INTU: variants seen among roughly 807,000 people sequenced by gnomAD.
INTU encodes inturned planar cell polarity protein.
In INTU, 68 loss-of-function variants were observed where a neutral mutation model predicts 100.5. That is an observed-to-expected ratio of 0.68 (90% CI 0.56 to 0.83). The LOEUF (loss-of-function observed/expected upper bound fraction) is 0.83, where lower values mean the gene tolerates loss of function less well. INTU is among the 40% of genes least tolerant of loss of function. INTU has a pLI of 0.00. For missense variants in INTU, 1,071 were observed against 1,114.7 expected, an observed-to-expected ratio of 0.96 and a Z score of 0.56; for synonymous variants, 357 against 395.7, an observed-to-expected ratio of 0.90 and a Z score of 1.16.
At position 127,718,073 on chromosome 4, in the gene INTU, T is replaced by C. The variant is rs1731294558; in HGVS notation, c.*1637T>C. ...TGAAATCTTTGCCCATGCTCATGTC[T>C]TAAATGGTATTGCCTAGATTTTCTT... On this transcript the variant is annotated 3_prime_UTR_variant, in exon 16 of 16. Transcript: ENST00000335251. The C allele has an allele frequency of 6.6e-6, 1 of 152,172 alleles. No homozygotes were observed. Among genetic ancestry groups the C allele is most frequent in the African/African-American group, 2.4e-5 (1 of 41,460 alleles). 9.4% of individuals were successfully genotyped at this position (152,172 alleles called of 1,614,324 possible). A position where few individuals can be genotyped will look rare whatever the true frequency, so the allele number is the denominator to read the frequency against.
intron 13 of INTU, among the ~76,000 whole-genome samples, chr4:127,710,096 T>C (rs978279405): frequency 2.0e-5 from 3 of 152,136 alleles, no homozygotes; most frequent in African/African-American, 7.2e-5. Context: ...AAAATATGTA[T>C]GTTGTGTTGG....
In INTU at chr4:127,633,071, T is replaced by G. The variant is rs143620669; in HGVS notation, c.37T>G (p.Ser13Ala). The stretch of plus-strand genomic sequence containing the variant: ...GGCTTCGTGCGATTCGCGTCCGAGC[T>G]CAGACGAGCTCCCTGGAGACCCCTC... ...SVASCDSRPS[S>A]DELPGDPSSQ... Residue 13 changes from serine (S) to alanine (A), a missense_variant, in exon 1 of 16, where the codon TCA becomes GCA. Coordinates refer to ENST00000335251, the MANE Select transcript of INTU (RefSeq NM_015693.4). The G allele has an allele frequency of 2.4e-5, 38 of 1,613,762 alleles. No homozygotes were observed. Among genetic ancestry groups the G allele is most frequent in the Non-Finnish European group, 2.3e-5 (27 of 1,179,800 alleles).
At chr4:127,667,454 G>T (rs1250600357) in intron 4 of INTU, among the ~76,000 whole-genome samples, 2 of 152,006 alleles carry the variant, frequency 1.3e-5, no homozygotes, top group African/African-American at 2.4e-5. Flanking sequence ...AACTGGTATG[G>T]CTTAATTTAT....
chr4:127,668,935 G>A, intron 4 of INTU, 101 bp from the exon 5 acceptor site: 1 of 560,392 alleles, frequency 1.8e-6, no homozygotes, highest in Non-Finnish European at 3.3e-6. Context: ...AAGCTGAAAG[G>A]ATTCATTTTT....
At chr4:127,674,850 G>C (rs1729102421) in intron 6 of INTU, among the ~76,000 whole-genome samples, 1 of 152,118 alleles carries the variant, frequency 6.6e-6, no homozygotes, top group Non-Finnish European at 1.5e-5. Flanking sequence ...GACGTACTTA[G>C]TGATTATTGG....
At chr4:127,713,457 G>T (rs972576541) in intron 14 of INTU, among the ~76,000 whole-genome samples, 13 of 152,004 alleles carry the variant, frequency 8.6e-5, no homozygotes, top group African/African-American at 3.1e-4. Context: ...AGAGATTATG[G>T]GTCAAAGGAA....
At chr4:127,634,776 T>C (rs1227025391) in intron 1 of INTU, among the ~76,000 whole-genome samples, 2 of 152,224 alleles carry the variant, frequency 1.3e-5, no homozygotes, top group Non-Finnish European at 2.9e-5. Flanking sequence ...AAATTTTAAG[T>C]CTGTCCCTTC....
At chr4:127,689,835 TTTAA>T (rs879895795) in intron 8 of INTU, among the ~76,000 whole-genome samples, 4 of 152,148 alleles carry the variant, frequency 2.6e-5, no homozygotes, top group Non-Finnish European at 5.9e-5. Context: ...TAACTTTACC[TTTAA>T]AAGAGAAAGA....
chr4:127,714,844 C>T (rs1159021), intron 15 of INTU, among the ~76,000 whole-genome samples: 94,571 of 151,866 alleles, frequency 0.62, 30,180 homozygotes, highest in African/African-American at 0.76. Context: ...ACTTGATAAA[C>T]ATGTGATGGC....
At chr4:127,654,605 T>C (rs1728086669) in intron 2 of INTU, among the ~76,000 whole-genome samples, 1 of 152,074 alleles carries the variant, frequency 6.6e-6, no homozygotes, top group Non-Finnish European at 1.5e-5. Context: ...GTTAGTCTGA[T>C]GGGCTTCCCT....
rs1392652565 is a variant in INTU, at chr4:127,704,298, G to T, written c.1566+8G>T. 7 of 1,599,962 alleles carry T rather than the reference G, an allele frequency of 4.4e-6. No homozygotes were observed. The highest frequency in any genetic ancestry group is 6.0e-6 in the Non-Finnish European group (7 of 1,169,686). ...TCTTCTCTATTTTACAAGGTAAGTT[G>T]AAGCTTGAAGTCTAAATGTCCAGCT... On this transcript the variant is annotated splice_region_variant and intron_variant, in intron 10 of 15. Coordinates refer to ENST00000335251, the MANE Select transcript of INTU (RefSeq NM_015693.4).
intron 15 of INTU, 33 bp downstream of exon 15, chr4:127,714,126 G>C: frequency 6.4e-7 from 1 of 1,572,874 alleles, no homozygotes; most frequent in East Asian, 2.2e-5. Context: ...TGAAAGTAAA[G>C]TGTTAGAAAA....
At chr4:127,635,637 A>G (rs1241185938) in intron 1 of INTU, among the ~76,000 whole-genome samples, 3 of 152,132 alleles carry the variant, frequency 2.0e-5, no homozygotes, top group Non-Finnish European at 4.4e-5. Context: ...TGTCCTTTAA[A>G]TTTTTTTCTG....
At chr4:127,711,541 C>T (rs1731094853) in intron 14 of INTU, among the ~76,000 whole-genome samples, 1 of 152,180 alleles carries the variant, frequency 6.6e-6, no homozygotes, top group Non-Finnish European at 1.5e-5. Context: ...GGGCCACATA[C>T]CAGTAGCTCT....
chr4:127,697,723 A>T (rs1276621129), intron 8 of INTU, among the ~76,000 whole-genome samples: 7 of 152,304 alleles, frequency 4.6e-5, no homozygotes, highest in Non-Finnish European at 8.8e-5. Flanking sequence ...ATGAACACTT[A>T]GGTTGATTCC....
At chr4:127,708,394 C>T (rs980513871) in intron 12 of INTU, among the ~76,000 whole-genome samples, 177 bp from the exon 13 acceptor site, 6 of 152,136 alleles carry the variant, frequency 3.9e-5, no homozygotes, top group African/African-American at 1.4e-4. Flanking sequence ...GGACATGACC[C>T]TGGGATCCCT....
rs1730890331 is a variant in INTU, at chr4:127,706,621, C to T, written c.1923C>T (p.Arg641=). The T allele has an allele frequency of 6.2e-7, 1 of 1,614,112 alleles. No individual in the cohort carries two copies. The highest frequency in any genetic ancestry group is 2.2e-5 in the East Asian group (1 of 44,884). Residue 641 remains arginine, a synonymous_variant, in exon 12 of 16, where the codon CGC becomes CGT. Coordinates refer to ENST00000335251, the MANE Select transcript of INTU (RefSeq NM_015693.4). ...ACCAGCTGGATGGAGTAGATTCTCG[C>T]ATAGATGAACGGCTAGCATCTTCTC... ...TLHQLDGVDS[R]IDERLASSPV...
At chr4:127,715,318 G>T (rs1259339020) in intron 15 of INTU, among the ~76,000 whole-genome samples, 2 of 152,114 alleles carry the variant, frequency 1.3e-5, no homozygotes, top group East Asian at 3.9e-4. Context: ...CACAGAATTA[G>T]TTGGGAGTAG....
chr4:127,672,011 G>A (rs79721342), intron 5 of INTU, among the ~76,000 whole-genome samples: 3,742 of 152,018 alleles, frequency 0.025, 155 homozygotes, highest in African/African-American at 0.086. Flanking sequence ...AGGGCGGGAG[G>A]GGAGTCAGAA....
Sources: gnomAD v4.1 joint callset for allele counts (sites outside exome capture counted in the v4.1 genomes callset) on GRCh38, gnomAD v4.1.1 for gene constraint, MANE v1.5 for transcripts, NCBI Gene and HGNC (gene_info 2026-07-23, HGNC 2026-07-21) for gene names.